The following AGPS variants were observed in gnomAD, a reference collection of about 807,000 sequenced individuals.
The protein encoded by AGPS is alkylglycerone phosphate synthase.
In AGPS, 26 loss-of-function variants were observed where a neutral mutation model predicts 90.7. The ratio of observed to expected loss-of-function variants is 0.29; its 90% CI spans 0.21 to 0.40. AGPS has a LOEUF of 0.40. AGPS is among the 10% of genes least tolerant of loss of function. The pLI is 1.00. For missense variants in AGPS, 540 were observed against 816.1 expected (o/e 0.66, Z 4.12); for synonymous variants, 294 against 285.3 (o/e 1.03, Z -0.31).
At chr2:177,422,136 A>T (rs904489647) in intron 2 of AGPS, among the ~76,000 whole-genome samples, 14 of 152,024 alleles carry the variant, frequency 9.2e-5, no homozygotes, top group Non-Finnish European at 1.6e-4. Context: ...CCTGGAAGAG[A>T]TGAGGCTGTA....
intron 1 of AGPS, among the ~76,000 whole-genome samples, chr2:177,415,439 G>C (rs1685758144): frequency 6.6e-6 from 1 of 152,102 alleles, no homozygotes; most frequent in Non-Finnish European, 1.5e-5. Context: ...AACTTTCTGT[G>C]TTCTCAAATC....
intron 7 of AGPS, among the ~76,000 whole-genome samples, chr2:177,442,914 C>T (rs1256069995): frequency 1.3e-5 from 2 of 150,994 alleles, no homozygotes; most frequent in Non-Finnish European, 2.9e-5. Context: ...ATTCAGTTCT[C>T]CAAAAGGTAG....
chr2:177,454,965 G>A (rs1186494876), intron 8 of AGPS, among the ~76,000 whole-genome samples: 1 of 151,828 alleles, frequency 6.6e-6, no homozygotes, highest in Non-Finnish European at 1.5e-5. Flanking sequence ...GACTTTTTTG[G>A]TGGCAGATAT....
In AGPS at chr2:177,398,330, C is replaced by T. The variant is rs143206720; in HGVS notation, c.260+5281C>T. 1.3e-3 allele frequency among the ~76,000 whole-genome samples: 195 copies of T among 152,288 alleles called. 2 individuals carry two copies. In the South Asian group the frequency reaches 0.016, roughly 12 times the overall value. On this transcript the variant is annotated intron_variant, in intron 1 of 19. Transcript: ENST00000264167. ...TAGTAGTAATAGGAGTTTTAATTGA[C>T]TAAGTCCTAATATGACAGGAACCAT...
chr2:177,513,207 A>G (rs550202414), intron 16 of AGPS, among the ~76,000 whole-genome samples: 1 of 151,866 alleles, frequency 6.6e-6, no homozygotes, highest in Non-Finnish European at 1.5e-5. Context: ...CGATTCTCCC[A>G]CCTCAGCCTC....
At chr2:177,412,949 G>C (rs1685662429) in intron 1 of AGPS, among the ~76,000 whole-genome samples, 1 of 152,152 alleles carries the variant, frequency 6.6e-6, no homozygotes, top group Non-Finnish European at 1.5e-5. Context: ...CGCTGGATCA[G>C]GAGCACAGTG....
intron 19 of AGPS, among the ~76,000 whole-genome samples, chr2:177,530,273 C>T (rs562445172): frequency 6.6e-6 from 1 of 152,098 alleles, no homozygotes; most frequent in Non-Finnish European, 1.5e-5. Flanking sequence ...AATTTGCTAT[C>T]GAAGAATGTT....
intron 10 of AGPS, among the ~76,000 whole-genome samples, chr2:177,477,343 C>T (rs564911916): frequency 6.6e-6 from 1 of 152,040 alleles, no homozygotes; most frequent in East Asian, 1.9e-4. Context: ...ATAAATGTTA[C>T]AAACCAACAA....
At chr2:177,449,461 T>C (rs72950095) in intron 8 of AGPS, among the ~76,000 whole-genome samples, 9,458 of 152,318 alleles carry the variant, frequency 0.062, 405 homozygotes, top group Middle Eastern at 0.1. Flanking sequence ...CTCATGCTGC[T>C]GCCTGAGCTG....
intron 11 of AGPS, among the ~76,000 whole-genome samples, chr2:177,486,578 T>A (rs1688097578): frequency 6.6e-6 from 1 of 151,086 alleles, no homozygotes; most frequent in Admixed American, 6.7e-5. Flanking sequence ...AATGAATTGG[T>A]TGCTTGTAAT....
At chr2:177,489,143 G>A (rs765958885) in intron 11 of AGPS, among the ~76,000 whole-genome samples, 2 of 147,896 alleles carry the variant, frequency 1.4e-5, no homozygotes, top group Non-Finnish European at 3.0e-5. Flanking sequence ...GGAGTGCAGT[G>A]GTGCGATCTC....
At chr2:177,440,813 A>T in intron 5 of AGPS, 152 bp from the exon 6 acceptor site, 2 of 618,020 alleles carry the variant, frequency 3.2e-6, no homozygotes, top group African/African-American at 3.7e-5. Flanking sequence ...TTAAAAAGGT[A>T]AAGTGTTTTA....
chr2:177,440,157 T>C (rs4893950), intron 5 of AGPS, among the ~76,000 whole-genome samples: 107,690 of 151,958 alleles, frequency 0.71, 38,526 homozygotes, highest in Admixed American at 0.78. Flanking sequence ...TTTCCCACTA[T>C]AAGGATACTG....
chr2:177,489,364 G>T (rs1411286312), intron 11 of AGPS, among the ~76,000 whole-genome samples: 1 of 151,968 alleles, frequency 6.6e-6, no homozygotes, highest in African/African-American at 2.4e-5. Flanking sequence ...GATTACAGGC[G>T]TGAGCCACCG....
intron 12 of AGPS, among the ~76,000 whole-genome samples, chr2:177,494,002 A>C (rs951273602): frequency 1.3e-5 from 2 of 152,232 alleles, no homozygotes; most frequent in African/African-American, 4.8e-5. Flanking sequence ...GATTGGGTAG[A>C]TTAAATAACA....
intron 11 of AGPS, among the ~76,000 whole-genome samples, chr2:177,483,750 C>T (rs974864755): frequency 2.0e-5 from 3 of 152,112 alleles, no homozygotes; most frequent in African/African-American, 7.2e-5. Flanking sequence ...ATATTTAAAA[C>T]ATTAAAGGAT....
chr2:177,504,846 T>G (rs1367853449), intron 14 of AGPS, among the ~76,000 whole-genome samples: 1 of 152,098 alleles, frequency 6.6e-6, no homozygotes, highest in African/African-American at 2.4e-5. Context: ...AAAATAAGAA[T>G]AACTTTTACA....
chr2:177,526,051 A>G (rs2079083905), intron 19 of AGPS, among the ~76,000 whole-genome samples: 1 of 152,210 alleles, frequency 6.6e-6, no homozygotes, highest in South Asian at 2.1e-4. Context: ...AACCAACTCT[A>G]GTGCAAATCT....
At chr2:177,401,227 A>C (rs1685321747) in intron 1 of AGPS, among the ~76,000 whole-genome samples, 1 of 152,182 alleles carries the variant, frequency 6.6e-6, no homozygotes, top group African/African-American at 2.4e-5. Flanking sequence ...CTTCTTTCTC[A>C]TTCTCTAGAA....
Sources: allele counts gnomAD v4.1 joint callset (sites outside exome capture counted in the v4.1 genomes callset), GRCh38; gene constraint gnomAD v4.1.1; transcripts MANE v1.5; gene names NCBI Gene and HGNC (gene_info 2026-07-23, HGNC 2026-07-21).